Variants in NDUFAF6 observed in about 807,000 individuals in gnomAD.
The protein encoded by NDUFAF6 is NADH:ubiquinone oxidoreductase complex assembly factor 6, also known as NADH dehydrogenase (ubiquinone) complex I, assembly factor 6.
In NDUFAF6, 45 loss-of-function variants were observed where a neutral mutation model predicts 40.8. The ratio of observed to expected loss-of-function variants is 1.10; its 90% CI spans 0.87 to 1.42. NDUFAF6 has a LOEUF of 1.42. Among genes scored for constraint, NDUFAF6 ranks in the 40% most tolerant of loss-of-function variants. The probability of loss-of-function intolerance (pLI) is 0.00; values close to 1 mark genes in which losing one functional copy is unlikely to be tolerated. For missense variants in NDUFAF6, 435 were observed against 418.5 expected (o/e 1.04, Z -0.34); for synonymous variants, 185 against 155.9 (o/e 1.19, Z -1.39).
chr8:95,056,650 T>TA (rs1832188403), intron 8 of NDUFAF6, among the ~76,000 whole-genome samples: 1 of 151,794 alleles, frequency 6.6e-6, no homozygotes, highest in Admixed American at 6.6e-5. Flanking sequence ...CTCATGCCTG[T>TA]AATCCCAGTA....
At chr8:94,983,667 G>A (rs1247906204) in intron 2 of NDUFAF6, among the ~76,000 whole-genome samples, 1 of 152,134 alleles carries the variant, frequency 6.6e-6, no homozygotes, top group East Asian at 1.9e-4. Context: ...AGCTATGGTT[G>A]TTACCATTTT....
At chr8:95,011,936 C>A (rs1827243924) in intron 2 of NDUFAF6, among the ~76,000 whole-genome samples, 1 of 152,040 alleles carries the variant, frequency 6.6e-6, no homozygotes, top group African/African-American at 2.4e-5. Flanking sequence ...AATTCTGGAG[C>A]CTTATGGATA....
intron 3 of NDUFAF6, among the ~76,000 whole-genome samples, chr8:95,039,737 C>T (rs903279022): frequency 1.1e-4 from 16 of 151,882 alleles, no homozygotes; most frequent in African/African-American, 3.6e-4. Context: ...TATCCTCCTG[C>T]GTCAGCCTTC....
At chr8:94,897,825 A>G (rs950329954) in intron 1 of NDUFAF6, among the ~76,000 whole-genome samples, 2 of 151,422 alleles carry the variant, frequency 1.3e-5, no homozygotes, top group African/African-American at 2.4e-5. Flanking sequence ...TTTATTTCCA[A>G]CTCGACCTCG....
intron 4 of NDUFAF6, among the ~76,000 whole-genome samples, chr8:95,043,614 A>G (rs1219169097): frequency 6.6e-6 from 1 of 152,196 alleles, no homozygotes; most frequent in Admixed American, 6.5e-5. Context: ...CAAATGACCA[A>G]TAAGCATCTG....
intron 2 of NDUFAF6, among the ~76,000 whole-genome samples, chr8:95,008,291 A>G (rs1827087500): frequency 6.6e-6 from 1 of 152,220 alleles, no homozygotes; most frequent in Non-Finnish European, 1.5e-5. Context: ...TCAACTGTGT[A>G]AAGAAAAACT....
At chr8:94,911,352 C>T (rs1276716390) in intron 1 of NDUFAF6, among the ~76,000 whole-genome samples, 4 of 152,192 alleles carry the variant, frequency 2.6e-5, no homozygotes, top group African/African-American at 9.7e-5. Flanking sequence ...ATAACACCTA[C>T]CTCACAGTAT....
At chr8:95,083,511 A>G (rs1259780931) in intron 2 of NDUFAF6, among the ~76,000 whole-genome samples, 1 of 152,236 alleles carries the variant, frequency 6.6e-6, no homozygotes, top group African/African-American at 2.4e-5. Flanking sequence ...GCAGTTCTTA[A>G]GCTTTACTGT....
chr8:94,993,016 C>T (rs1335187093), intron 2 of NDUFAF6, among the ~76,000 whole-genome samples: 1 of 152,158 alleles, frequency 6.6e-6, no homozygotes, highest in African/African-American at 2.4e-5. Context: ...AATTGCATTA[C>T]TTAAACAACA....
At chr8:95,020,728 A>G (rs192927227), upstream of NDUFAF6, among the ~76,000 whole-genome samples, 2 of 152,362 alleles carry the variant, frequency 1.3e-5, no homozygotes, top group Non-Finnish European at 1.5e-5. Flanking sequence ...CTGGAGATAA[A>G]AAGAGGAGTA....
intron 1 of NDUFAF6, among the ~76,000 whole-genome samples, chr8:94,977,354 A>G (rs545459437): frequency 6.6e-6 from 1 of 151,602 alleles, no homozygotes; most frequent in South Asian, 2.1e-4. Flanking sequence ...CTTACAAAAA[A>G]TTTTTTTTAA....
chr8:94,980,422 C>G (rs1237906075), intron 1 of NDUFAF6, among the ~76,000 whole-genome samples: 1 of 146,022 alleles, frequency 6.8e-6, no homozygotes, highest in Non-Finnish European at 1.5e-5. Context: ...ACAAATAACA[C>G]TGTCAACTGT....
At chr8:95,014,516 C>G (rs28440026) in intron 2 of NDUFAF6, among the ~76,000 whole-genome samples, 21,863 of 152,166 alleles carry the variant, frequency 0.14, 1,597 homozygotes, top group Middle Eastern at 0.25. Context: ...GAAGGTATTG[C>G]AAGGTTGTGA....
At chr8:95,091,153 C>G (rs965335828) in intron 2 of NDUFAF6, among the ~76,000 whole-genome samples, 1 of 151,836 alleles carries the variant, frequency 6.6e-6, no homozygotes, top group Non-Finnish European at 1.5e-5. Context: ...TGTATTAGTC[C>G]GTTTTCACAC....
chr8:95,107,295 G>T (rs193221836), downstream of NDUFAF6, among the ~76,000 whole-genome samples: 1 of 152,276 alleles, frequency 6.6e-6, no homozygotes, highest in Non-Finnish European at 1.5e-5. Flanking sequence ...ATACTATACA[G>T]CCATAAAAAA....
At chr8:94,901,883 C>A (rs562800869) in intron 1 of NDUFAF6, among the ~76,000 whole-genome samples, 1 of 152,114 alleles carries the variant, frequency 6.6e-6, no homozygotes, top group Admixed American at 6.5e-5. Context: ...CTGTGCCCAG[C>A]CTTTTACGAA....
intron 2 of NDUFAF6, among the ~76,000 whole-genome samples, chr8:94,985,496 TATATATATATATATA>T (rs1825781892): frequency 3.5e-4 from 3 of 8,606 alleles, no homozygotes; most frequent in African/African-American, 8.0e-4. Flanking sequence ...TATATATATA[TATATATATATATATA>T]TATATTTTTT....
chr8:95,080,841 T>C (rs1437176615), downstream of NDUFAF6, among the ~76,000 whole-genome samples: 1 of 152,150 alleles, frequency 6.6e-6, no homozygotes, highest in Non-Finnish European at 1.5e-5. Context: ...GAGCAAGCTG[T>C]TTGAGCACAG....
At chr8:95,012,170 T>A (rs1293856235) in intron 2 of NDUFAF6, among the ~76,000 whole-genome samples, 1 of 152,236 alleles carries the variant, frequency 6.6e-6, no homozygotes, top group Non-Finnish European at 1.5e-5. Flanking sequence ...TTAATTTGCA[T>A]TTCCCTGTCT....
Sources: gnomAD v4.1 joint callset for allele counts (sites outside exome capture counted in the v4.1 genomes callset) on GRCh38, gnomAD v4.1.1 for gene constraint, MANE v1.5 for transcripts, NCBI Gene and HGNC (gene_info 2026-07-23, HGNC 2026-07-21) for gene names.